YARS1: variants seen among roughly 807,000 people sequenced by gnomAD.
YARS1 encodes tyrosine--tRNA ligase, cytoplasmic.
In YARS1, 36 loss-of-function variants were observed where a neutral mutation model predicts 62.2. That is an observed-to-expected ratio of 0.58 (90% confidence interval 0.44 to 0.76). The LOEUF is 0.76. YARS1 is among the 30% of genes least tolerant of loss of function. The pLI is 0.00. For synonymous variants in YARS1, 234 were observed against 244.9 expected, an observed-to-expected ratio of 0.96 and a Z score of 0.42; for missense variants, 524 against 639.8, an observed-to-expected ratio of 0.82 and a Z score of 1.95.
At chr1:32,812,340 C>T (rs1638604765) in intron 1 of YARS1, among the ~76,000 whole-genome samples, 1 of 152,186 alleles carries the variant, frequency 6.6e-6, no homozygotes, top group Non-Finnish European at 1.5e-5. Flanking sequence ...CACAACTGAC[C>T]AGCATGAACA....
intron 3 of YARS1, 88 bp downstream of exon 3, chr1:32,810,503 C>A: frequency 6.4e-7 from 1 of 1,554,088 alleles, no homozygotes. Context: ...AGCTTCTAAT[C>A]TAAATGTAAA....
chr1:32,791,347 T>C (rs1653407039), intron 5 of YARS1, 93 bp from the exon 6 acceptor site: 4 of 939,806 alleles, frequency 4.3e-6, no homozygotes, highest in South Asian at 1.3e-5. Flanking sequence ...AACTGAGTAG[T>C]TGTTATATTG....
chr1:32,813,397 C>T (rs923684949), intron 1 of YARS1, among the ~76,000 whole-genome samples: 3 of 152,252 alleles, frequency 2.0e-5, no homozygotes, highest in Non-Finnish European at 2.9e-5. Flanking sequence ...CCGCTTACTG[C>T]AACCTCCGCC....
intron 4 of YARS1, among the ~76,000 whole-genome samples, chr1:32,803,286 C>CTTTTTTTTTTTTTTT (rs60704395): frequency 7.4e-6 from 1 of 134,970 alleles, no homozygotes. Context: ...CCTAATTCTT[C>CTTTTTTTTTTTTTTT]TTTTTTTTTT....
In YARS1 at chr1:32,806,623, A is replaced by G. The variant is rs765362024; in HGVS notation, c.381-12T>C. On this transcript the variant is annotated splice_polypyrimidine_tract_variant and intron_variant, in intron 3 of 12. Transcript: ENST00000373477. Reference sequence around the variant, plus strand: ...CTAGTGTGTACTCTCTGAAGAGGAAAGGAAGAGGGGACAGCTGTAAACCTG... The same window carrying G: ...CTAGTGTGTACTCTCTGAAGAGGAAGGGAAGAGGGGACAGCTGTAAACCTG... The G allele has an allele frequency of 3.1e-6, 5 of 1,614,158 alleles. No individual in the cohort carries two copies. The highest frequency in any genetic ancestry group is 4.2e-6 in the Non-Finnish European group (5 of 1,180,024).
intron 3 of YARS1, 98 bp from the exon 4 acceptor site, chr1:32,806,709 T>TG: frequency 6.7e-7 from 1 of 1,488,198 alleles, no homozygotes; most frequent in Non-Finnish European, 9.3e-7. Context: ...CTAACCTTAG[T>TG]GTAACCAGGG....
chr1:32,804,233 C>T (rs553787676), intron 4 of YARS1, among the ~76,000 whole-genome samples: 11 of 152,154 alleles, frequency 7.2e-5, no homozygotes, highest in South Asian at 4.2e-4. Flanking sequence ...CATCATGGCC[C>T]GTTCTCAACG....
At chr1:32,779,598 G>A in intron 11 of YARS1, 75 bp from the exon 12 acceptor site, 1 of 1,603,340 alleles carries the variant, frequency 6.2e-7, no homozygotes, top group Admixed American at 1.7e-5. Context: ...AAGCAATCCG[G>A]GCCTTTACAC....
At chr1:32,794,944 C>T (rs1362099812) in intron 5 of YARS1, among the ~76,000 whole-genome samples, 2 of 131,952 alleles carry the variant, frequency 1.5e-5, no homozygotes, top group South Asian at 2.3e-4. Context: ...GCGGAGGTTG[C>T]AGTGAGCCAA....
In YARS1 at chr1:32,817,333, G is replaced by T. The variant is rs1243316889; in HGVS notation, c.-89C>A. The T allele has an allele frequency of 6.5e-7, 1 of 1,544,010 alleles. No homozygotes were observed. The highest frequency in any genetic ancestry group is 1.7e-5 in the Admixed American group (1 of 59,288). Reference sequence around the variant, plus strand: ...GCCGCCGCGTGCCGGGAACTGTCACGCGAGTCCAGCCAGGTTGCATCAGCT... The same window carrying T: ...GCCGCCGCGTGCCGGGAACTGTCACTCGAGTCCAGCCAGGTTGCATCAGCT... On this transcript the variant is annotated 5_prime_UTR_variant, in exon 1 of 13. Coordinates refer to ENST00000373477, the MANE Select transcript of YARS1 (RefSeq NM_003680.4).
chr1:32,782,854 A>G (rs1322477677), intron 8 of YARS1: 1 of 365,026 alleles, frequency 2.7e-6, no homozygotes, highest in Non-Finnish European at 5.2e-6. Flanking sequence ...ACAAGCAGAG[A>G]AACATTCACA....
chr1:32,805,546 A>C (rs1166922141), intron 4 of YARS1, among the ~76,000 whole-genome samples: 1 of 152,188 alleles, frequency 6.6e-6, no homozygotes, highest in Non-Finnish European at 1.5e-5. Context: ...ATTTCCTTCA[A>C]GAACTTTCCC....
chr1:32,777,067 T>C (rs1205314846), intron 12 of YARS1, among the ~76,000 whole-genome samples: 2 of 151,584 alleles, frequency 1.3e-5, no homozygotes, highest in Non-Finnish European at 2.9e-5. Context: ...TTTGCTCTCA[T>C]TGCCCAGGCT....
At chr1:32,791,365 T>C (rs1202551417) in intron 5 of YARS1, 111 bp from the exon 6 acceptor site, 1 of 855,560 alleles carries the variant, frequency 1.2e-6, no homozygotes, top group Non-Finnish European at 2.0e-6. Flanking sequence ...TTGCTTCCAA[T>C]CTTTTTATAC....
chr1:32,797,782 A>G lies in YARS1; in HGVS notation c.572T>C (p.Ile191Thr). 2 of 1,614,178 alleles carry G rather than the reference A, an allele frequency of 1.2e-6. No individual in the cohort carries two copies. Among genetic ancestry groups the G allele is most frequent in the Non-Finnish European group, 1.7e-6 (2 of 1,180,022 alleles). ...AQFGGIDQRK[I>T]FTFAEKYLPA... ...ACTCACCTTCTCTGCAAAGGTGAAAATCTTTCTCTGATCAATGCCTCCAAA... is the reference window on the plus strand; with the variant it reads ...ACTCACCTTCTCTGCAAAGGTGAAAGTCTTTCTCTGATCAATGCCTCCAAA... The change falls in exon 5 of 13, where the codon ATT becomes ACT. Residue 191 changes from isoleucine (I) to threonine (T), a missense_variant. By Grantham distance (89) the Ile-to-Thr change is moderately conservative (BLOSUM62 -1). Transcript: ENST00000373477.
At chr1:32,817,137 A>G in intron 1 of YARS1, 51 bp downstream of exon 1, 1 of 1,609,884 alleles carries the variant, frequency 6.2e-7, no homozygotes, top group Non-Finnish European at 8.5e-7. Context: ...AAAATCACTG[A>G]ACCTCGGGCT....
intron 1 of YARS1, among the ~76,000 whole-genome samples, chr1:32,814,222 G>C (rs1316814626): frequency 1.3e-5 from 2 of 151,966 alleles, no homozygotes; most frequent in Non-Finnish European, 2.9e-5. Context: ...ACAGTAAATG[G>C]TACCATCATT....
intron 1 of YARS1, among the ~76,000 whole-genome samples, chr1:32,813,119 T>G (rs1638623904): frequency 6.6e-6 from 1 of 152,014 alleles, no homozygotes; most frequent in Non-Finnish European, 1.5e-5. Context: ...CCCCACCCCC[T>G]TTCTGGGCAA....
At chr1:32,796,246 A>G (rs1158279483) in intron 5 of YARS1, among the ~76,000 whole-genome samples, 1 of 152,218 alleles carries the variant, frequency 6.6e-6, no homozygotes, top group Non-Finnish European at 1.5e-5. Flanking sequence ...CAGTGAGCCG[A>G]GATCGCGCCA....
Sources: allele counts gnomAD v4.1 joint callset (sites outside exome capture counted in the v4.1 genomes callset), GRCh38; gene constraint gnomAD v4.1.1; transcripts MANE v1.5; gene names NCBI Gene and HGNC (gene_info 2026-07-23, HGNC 2026-07-21).